PTPRT: variants seen among roughly 807,000 people sequenced by gnomAD.
PTPRT encodes the protein protein tyrosine phosphatase receptor type T, also known as receptor-type tyrosine-protein phosphatase T.
A neutral mutation model predicts 176.8 loss-of-function variants in PTPRT; 56 were observed. That is an observed-to-expected ratio of 0.32 (90% CI 0.26 to 0.40). The LOEUF is 0.40. Ranked by LOEUF, PTPRT falls within the 10% of genes least tolerant of loss-of-function variation. PTPRT has a pLI of 1.00. For missense variants in PTPRT, 1,540 were observed against 1,908.2 expected (o/e 0.81, Z 3.60); for synonymous variants, 783 against 739.0 (o/e 1.06, Z -0.96).
intron 7 of PTPRT, among the ~76,000 whole-genome samples, chr20:42,493,561 CAGTT>C (rs1243685432): frequency 6.6e-6 from 1 of 152,000 alleles, no homozygotes; most frequent in Non-Finnish European, 1.5e-5. Context: ...AGTGAGTACT[CAGTT>C]AGGATAAGAA....
chr20:42,273,943 G>T (rs1326158852), intron 13 of PTPRT, among the ~76,000 whole-genome samples: 1 of 152,252 alleles, frequency 6.6e-6, no homozygotes, highest in African/African-American at 2.4e-5. Context: ...GTAATGCTCA[G>T]CTATCTGGGG....
chr20:42,575,325 A>G (rs541891001), intron 7 of PTPRT, among the ~76,000 whole-genome samples: 1 of 152,334 alleles, frequency 6.6e-6, no homozygotes, highest in East Asian at 1.9e-4. Context: ...AGAAGGAAGA[A>G]GAGGGGCCAT....
At chr20:42,512,153 C>T (rs1175487432) in intron 7 of PTPRT, among the ~76,000 whole-genome samples, 2 of 152,018 alleles carry the variant, frequency 1.3e-5, no homozygotes, top group East Asian at 1.9e-4. Context: ...AAATTTAATA[C>T]ACAATTTATA....
chr20:42,353,209 C>A (rs990565647), intron 9 of PTPRT, among the ~76,000 whole-genome samples: 1 of 152,152 alleles, frequency 6.6e-6, no homozygotes, highest in Non-Finnish European at 1.5e-5. Context: ...GGTAGAGCGT[C>A]CCGATGAGAA....
chr20:43,131,895 T>C (rs1000892537), intron 1 of PTPRT, among the ~76,000 whole-genome samples: 2 of 152,106 alleles, frequency 1.3e-5, no homozygotes, highest in Admixed American at 6.6e-5. Context: ...CATTTTATAG[T>C]AAACTTAATA....
chr20:42,116,158 C>G, intron 21 of PTPRT: 1 of 712,556 alleles, frequency 1.4e-6, no homozygotes, highest in South Asian at 1.5e-5. Flanking sequence ...GTTTTGTGGT[C>G]AAATGAGTTT....
At chr20:42,979,893 C>T (rs1197887244) in intron 1 of PTPRT, among the ~76,000 whole-genome samples, 1 of 142,272 alleles carries the variant, frequency 7.0e-6, no homozygotes, top group Admixed American at 7.3e-5. Flanking sequence ...AAATCTCAGC[C>T]AGAGAACCCA....
chr20:42,609,306 G>A (rs143564357), intron 7 of PTPRT, among the ~76,000 whole-genome samples: 100 of 152,014 alleles, frequency 6.6e-4, no homozygotes, highest in African/African-American at 2.4e-3. Context: ...ACTCCTGACC[G>A]CAAACGATCC....
intron 1 of PTPRT, among the ~76,000 whole-genome samples, chr20:43,091,078 A>G (rs1354109265): frequency 1.3e-5 from 2 of 152,156 alleles, no homozygotes; most frequent in East Asian, 3.9e-4. Flanking sequence ...TAAAAATACA[A>G]AAATAAGTAG....
chr20:42,147,279 C>G lies in PTPRT; in HGVS notation c.2683-5277G>C, dbSNP rs575747511. On this transcript the variant is annotated intron_variant, in intron 17 of 30. Coordinates refer to ENST00000373187, the MANE Select transcript of PTPRT (RefSeq NM_007050.6). The stretch of plus-strand genomic sequence containing the variant: ...TTTCAGAGGGCAAATATCCTGGGAT[C>G]TTAGAGGTGTCAGTGACCTTGAAAA... 1.6e-3 allele frequency among the ~76,000 whole-genome samples: 242 copies of G among 152,256 alleles called. 1 individual carries two copies. The highest frequency in any genetic ancestry group is 5.6e-3 in the African/African-American group (234 of 41,578).
At chr20:43,186,831 G>A (rs2015406183) in intron 1 of PTPRT, among the ~76,000 whole-genome samples, 1 of 152,178 alleles carries the variant, frequency 6.6e-6, no homozygotes, top group Admixed American at 6.5e-5. Context: ...TGATTATTGA[G>A]TTAAATGACT....
intron 15 of PTPRT, among the ~76,000 whole-genome samples, chr20:42,213,418 G>GCAT (rs2055693670): frequency 6.6e-6 from 1 of 152,114 alleles, no homozygotes; most frequent in African/African-American, 2.4e-5. Flanking sequence ...GGGGGAGTTG[G>GCAT]CATCTAAGAA....
intron 16 of PTPRT, among the ~76,000 whole-genome samples, chr20:42,183,175 G>C (rs544999705): frequency 6.6e-6 from 1 of 151,842 alleles, no homozygotes; most frequent in East Asian, 1.9e-4. Context: ...CCTAGTATTC[G>C]AGACCCCAGT....
intron 7 of PTPRT, among the ~76,000 whole-genome samples, chr20:42,488,106 G>A (rs2071494514): frequency 6.6e-6 from 1 of 152,128 alleles, no homozygotes; most frequent in Non-Finnish European, 1.5e-5. Context: ...ATTGCATGGG[G>A]TTCTGGGGTG....
rs573565527 is a variant in PTPRT, at chr20:42,759,855, C to G, written c.685-3219G>C. 2.0e-5 allele frequency among the ~76,000 whole-genome samples: 3 copies of G among 152,290 alleles called. No homozygotes were observed. In the South Asian group the frequency reaches 6.2e-4, roughly 32 times the overall value. ...TCCACGAGTCAACTCAACAAATGTC[C>G]CAGTGGGCCCCAACAGGTGGTGTCT... On this transcript the variant is annotated intron_variant, in intron 5 of 30. Transcript: ENST00000373187.
chr20:42,318,817 C>G (rs2057757825), intron 11 of PTPRT, among the ~76,000 whole-genome samples: 1 of 152,154 alleles, frequency 6.6e-6, no homozygotes, highest in African/African-American at 2.4e-5. Context: ...TCTTTCCCCT[C>G]TAAATTGAGA....
At chr20:42,305,003 C>T (rs907639144) in intron 12 of PTPRT, among the ~76,000 whole-genome samples, 2 of 152,150 alleles carry the variant, frequency 1.3e-5, no homozygotes, top group East Asian at 1.9e-4. Context: ...TATACTAGGC[C>T]TCTGGTGCAA....
At chr20:43,116,103 G>A (rs1281792235) in intron 1 of PTPRT, among the ~76,000 whole-genome samples, 1 of 152,084 alleles carries the variant, frequency 6.6e-6, no homozygotes, top group South Asian at 2.1e-4. Context: ...CACCACATAC[G>A]AATCTACTGA....
chr20:42,315,691 G>T (rs548793850), intron 12 of PTPRT, 32 bp downstream of exon 12: 2 of 1,599,166 alleles, frequency 1.3e-6, no homozygotes, highest in East Asian at 4.5e-5. Flanking sequence ...TGCAAACAAG[G>T]CAAGGAATGG....
Sources: allele counts gnomAD v4.1 joint callset (sites outside exome capture counted in the v4.1 genomes callset), GRCh38; gene constraint gnomAD v4.1.1; transcripts MANE v1.5; gene names NCBI Gene and HGNC (gene_info 2026-07-23, HGNC 2026-07-21).